The following MCF2L variants were observed in gnomAD, a reference collection of about 807,000 sequenced individuals.
The protein encoded by MCF2L is guanine nucleotide exchange factor DBS.
A neutral mutation model predicts 153.4 loss-of-function variants in MCF2L; 97 were observed. The ratio of observed to expected loss-of-function variants is 0.63; its 90% confidence interval spans 0.54 to 0.75. The LOEUF is 0.75. MCF2L is among the 30% of genes least tolerant of loss of function. MCF2L has a pLI of 0.00. For synonymous variants in MCF2L, 659 were observed against 632.2 expected (o/e 1.04, Z -0.64); for missense variants, 1,347 against 1,495.2 (o/e 0.90, Z 1.64).
chr13:112,943,284 G>C lies in MCF2L; in HGVS notation c.169+40913G>C, dbSNP rs1347459217. ...GGCGCCTGTGCTGAGTCCCGACGCT[G>C]TGCGCCCCACTCCCGAGGCTGTGGT... On this transcript the variant is annotated intron_variant, in intron 2 of 29. Coordinates refer to the MCF2L transcript ENST00000375608. The surrounding 1 kb of genome is among the most constrained non-coding windows in gnomAD (Gnocchi z 4.2). Among the ~76,000 whole-genome samples the C allele has an allele frequency of 1.3e-5, 2 of 152,032 alleles. No homozygotes were observed. The highest frequency in any genetic ancestry group is 2.9e-5 in the Non-Finnish European group (2 of 67,928).
At chr13:113,026,456 GT>G (rs896939724) in intron 3 of MCF2L, among the ~76,000 whole-genome samples, 2 of 152,238 alleles carry the variant, frequency 1.3e-5, no homozygotes, top group African/African-American at 2.4e-5. Context: ...CTGAGCTGCC[GT>G]TTTTTCCTGG....
intron 2 of MCF2L, among the ~76,000 whole-genome samples, chr13:112,925,747 T>C (rs982852346): frequency 6.6e-6 from 1 of 152,100 alleles, no homozygotes; most frequent in African/African-American, 2.4e-5. Flanking sequence ...TACATACGTT[T>C]GATGTGATAA....
chr13:113,077,504 G>A (rs2033622553), intron 13 of MCF2L, among the ~76,000 whole-genome samples: 1 of 152,224 alleles, frequency 6.6e-6, no homozygotes, highest in Non-Finnish European at 1.5e-5. Context: ...AGTGGTCTCA[G>A]TGAAGCCCAC....
chr13:113,081,162 C>A, intron 15 of MCF2L, 51 bp from the exon 16 acceptor site: 1 of 1,455,644 alleles, frequency 6.9e-7, no homozygotes, highest in Non-Finnish European at 9.4e-7. Flanking sequence ...GCAGACCATT[C>A]CTGCTCTCCC....
intron 7 of MCF2L, among the ~76,000 whole-genome samples, chr13:113,065,727 T>C (rs1231423952): frequency 6.6e-6 from 1 of 152,152 alleles, no homozygotes; most frequent in East Asian, 1.9e-4. Flanking sequence ...ACCGGGCCGC[T>C]CCACCGTGAG....
At chr13:113,056,509 GTGGGTGCTGAGTGGGTGCTGTGTGTT>G (rs1480547067) in intron 4 of MCF2L, among the ~76,000 whole-genome samples, 1 of 145,700 alleles carries the variant, frequency 6.9e-6, no homozygotes, top group African/African-American at 2.6e-5. Flanking sequence ...TCGGCGCTGA[GTGGGTGCTGAGTGGGTGCTGTGTGTT>G]TGGGTGCTGA....
intron 2 of MCF2L, among the ~76,000 whole-genome samples, chr13:112,918,979 C>A (rs969671940): frequency 6.6e-6 from 1 of 152,186 alleles, no homozygotes; most frequent in African/African-American, 2.4e-5. Flanking sequence ...ACTGCACTTG[C>A]TGGCAGAGGC....
intron 2 of MCF2L, among the ~76,000 whole-genome samples, chr13:113,023,907 C>T (rs1370982860): frequency 6.6e-6 from 1 of 152,232 alleles, no homozygotes; most frequent in Non-Finnish European, 1.5e-5. Flanking sequence ...GGACCACCTG[C>T]CCAATGACTA....
chr13:112,976,591 GCA>G (rs2082222923), intron 1 of MCF2L, among the ~76,000 whole-genome samples: 1 of 152,198 alleles, frequency 6.6e-6, no homozygotes, highest in East Asian at 1.9e-4. Flanking sequence ...CACGCGGGGA[GCA>G]GCACTGGGTC....
intron 1 of MCF2L, among the ~76,000 whole-genome samples, chr13:112,977,447 T>C (rs75177063): frequency 0.047 from 7,098 of 152,226 alleles, 290 homozygotes; most frequent in Non-Finnish European, 0.06. Flanking sequence ...CGATGGTCGC[T>C]GAAGCCAAAG....
chr13:112,959,261 G>A (rs147671980), intron 2 of MCF2L, among the ~76,000 whole-genome samples: 6 of 151,968 alleles, frequency 3.9e-5, no homozygotes, highest in East Asian at 1.9e-4. Flanking sequence ...ACCACCCCCC[G>A]TCCTCCGGGT....
Position 113,001,537 on chromosome 13 carries a change from C to T in MCF2L, c.80-13226C>T, listed in dbSNP as rs1413810646. The T allele has an allele frequency of 2.9e-5, 8 of 271,224 alleles. 1 individual carries two copies. The highest frequency in any genetic ancestry group is 4.5e-5 in the Non-Finnish European group (7 of 156,398). 16.8% of individuals were successfully genotyped at this position (271,224 alleles called of 1,614,324 possible). ...CTGCTAAGCATGGCCCCTGCCAGCT[C>T]AGGTCCCTGCCACTCAGTGGATGGG... On this transcript the variant is annotated intron_variant, in intron 1 of 29. Transcript: ENST00000535094.
At chr13:113,065,140 C>G (rs765892230) in intron 7 of MCF2L, 55 bp downstream of exon 7, 1 of 1,597,580 alleles carries the variant, frequency 6.3e-7, no homozygotes, top group South Asian at 1.1e-5. Flanking sequence ...CAGTCAGAAG[C>G]TGCGCGGGGC....
At chr13:112,977,076 G>A (rs1245097254) in intron 1 of MCF2L, among the ~76,000 whole-genome samples, 2 of 152,158 alleles carry the variant, frequency 1.3e-5, no homozygotes, top group African/African-American at 2.4e-5. Context: ...GCCCAGGAGC[G>A]CTGAATTTTA....
chr13:113,075,909 G>C, intron 11 of MCF2L, 57 bp from the exon 12 acceptor site: 1 of 1,400,268 alleles, frequency 7.1e-7, no homozygotes, highest in Admixed American at 2.1e-5. Context: ...GCCTGGACAG[G>C]GTGACGCTCT....
In MCF2L at chr13:113,031,060, CAG is replaced by C. The variant is rs67423473; in HGVS notation, c.278+6308_278+6309del. ...AGAGACAGAGACAGACAGATACAGA[CAG>C]AGAGACAGAGACAGACAGATACAGA... On this transcript the variant is annotated intron_variant, in intron 3 of 29. Transcript: ENST00000535094. The surrounding 1 kb of genome is among the most constrained non-coding windows in gnomAD (Gnocchi z 5.5). Among the ~76,000 whole-genome samples, 653 of 85,476 alleles carry C rather than the reference CAG, an allele frequency of 7.6e-3. 21 individuals carry two copies. The East Asian group carries it at 0.24, about 31-fold the overall frequency. 56.1% of individuals were successfully genotyped at this position (85,476 alleles called of 152,430 possible).
chr13:112,952,981 G>A (rs1169302185), intron 2 of MCF2L, among the ~76,000 whole-genome samples: 4 of 152,134 alleles, frequency 2.6e-5, no homozygotes, highest in African/African-American at 7.2e-5. Flanking sequence ...CTGTTTACAC[G>A]GGGGGCAGTT....
Position 113,070,186 on chromosome 13 carries a change from G to T in MCF2L, c.996+13G>T. ...GGGCTTCCGGGAGGTGAGTGGCCCT[G>T]GGTGGAGCCGGCAGCCGCCCTGATG... On this transcript the variant is annotated intron_variant, in intron 9 of 29. Transcript: ENST00000535094. The surrounding 1 kb of genome is among the most constrained non-coding windows in gnomAD (Gnocchi z 5.6). 1 of 1,549,544 alleles carries T rather than the reference G, an allele frequency of 6.5e-7. No individual in the cohort carries two copies. Among genetic ancestry groups the T allele is most frequent in the Non-Finnish European group, 8.7e-7 (1 of 1,147,884 alleles).
chr13:112,998,176 A>G (rs889713188), intron 1 of MCF2L, among the ~76,000 whole-genome samples: 3 of 152,244 alleles, frequency 2.0e-5, no homozygotes, highest in Non-Finnish European at 4.4e-5. Context: ...TTCTAGGCAC[A>G]TTTGTAAAGC....
Sources: allele counts gnomAD v4.1 joint callset (sites outside exome capture counted in the v4.1 genomes callset), GRCh38; gene constraint gnomAD v4.1.1; non-coding constraint Gnocchi (gnomAD v3.1); transcripts MANE v1.5; gene names NCBI Gene and HGNC (gene_info 2026-07-23, HGNC 2026-07-21).